FSD2: variants seen among roughly 807,000 people sequenced by gnomAD.
FSD2 encodes fibronectin type III and SPRY domain-containing protein 2.
Under a neutral mutation model 80.4 loss-of-function variants are expected in FSD2, and 71 were observed. The ratio of observed to expected loss-of-function variants is 0.88; its 90% CI spans 0.73 to 1.08. FSD2 has a LOEUF of 1.08. Among genes scored for constraint, FSD2 ranks in the 50% least tolerant of loss-of-function variants. The pLI is 0.00. For synonymous variants in FSD2, 361 were observed against 329.5 expected (o/e 1.10, Z -1.03); for missense variants, 923 against 913.8 (o/e 1.01, Z -0.13).
intron 7 of FSD2, among the ~76,000 whole-genome samples, chr15:82,770,676 A>G (rs1206662869): frequency 6.6e-6 from 1 of 152,012 alleles, no homozygotes; most frequent in Admixed American, 6.6e-5. Context: ...ATCTCAAAAA[A>G]TAATAATAAT....
At chr15:82,764,410 G>A (rs1264200000) in intron 11 of FSD2, among the ~76,000 whole-genome samples, 1 of 151,076 alleles carries the variant, frequency 6.6e-6, no homozygotes, top group East Asian at 1.9e-4. Flanking sequence ...CCCTTAAGCC[G>A]CTTGCTTGGC....
Position 82,778,766 on chromosome 15 carries a change from C to G in FSD2, c.1111G>C (p.Ala371Pro), listed in dbSNP as rs1253062281. Residue 371 changes from alanine (A) to proline (P), a missense_variant and splice_region_variant, in exon 6 of 13, where the codon GCT becomes CCT. Coordinates refer to ENST00000334574, the MANE Select transcript of FSD2 (RefSeq NM_001007122.4). ...QLMGSINTIP[A>P]PSAPVINPQV... ...GCGAAGTACACACACAGGTGAGCAC[C>G]TGGAATGGTGTTAATGGAGCCCATC... 2 of 1,608,034 alleles carry G rather than the reference C, an allele frequency of 1.2e-6. No homozygotes were observed. The highest frequency in any genetic ancestry group is 1.7e-6 in the Non-Finnish European group (2 of 1,177,118).
intron 5 of FSD2, 48 bp from the exon 6 acceptor site, chr15:82,778,935 T>A: frequency 6.2e-7 from 1 of 1,605,894 alleles, no homozygotes; most frequent in South Asian, 1.1e-5. Context: ...GGCATTCTCC[T>A]TAGGGTATAT....
intron 4 of FSD2, among the ~76,000 whole-genome samples, chr15:82,782,201 C>G (rs1225029192): frequency 6.6e-6 from 1 of 150,778 alleles, no homozygotes; most frequent in African/African-American, 2.4e-5. Flanking sequence ...CAAGACCATC[C>G]TGGCTAACAC....
intron 11 of FSD2, 63 bp from the exon 12 acceptor site, chr15:82,762,341 G>A: frequency 6.6e-7 from 1 of 1,514,858 alleles, no homozygotes; most frequent in Non-Finnish European, 9.0e-7. Context: ...GTGCAGGTCA[G>A]TGATGCCAGT....
intron 1 of FSD2, among the ~76,000 whole-genome samples, chr15:82,795,589 G>A (rs1439953915): frequency 6.6e-6 from 1 of 152,154 alleles, no homozygotes; most frequent in African/African-American, 2.4e-5. Context: ...CAGCACTTTA[G>A]GAGGCTAAGG....
Position 82,786,610 on chromosome 15 carries a change from T to A in FSD2, c.640-4A>T, listed in dbSNP as rs758961623. The stretch of plus-strand genomic sequence containing the variant: ...ACATGTTTTTGTGAATTTCATCCTA[T>A]CCAACAGAGGATCACAAAGAAGGTA... On this transcript the variant is annotated splice_region_variant and splice_polypyrimidine_tract_variant and intron_variant, in intron 2 of 12. Coordinates refer to ENST00000334574, the MANE Select transcript of FSD2 (RefSeq NM_001007122.4). 1.2e-5 allele frequency: 19 copies of A among 1,612,386 alleles called. No individual in the cohort carries two copies. Among genetic ancestry groups the A allele is most frequent in the Non-Finnish European group, 1.4e-5 (17 of 1,178,672 alleles).
chr15:82,765,270 A>G lies in FSD2; in HGVS notation c.1716T>C (p.Thr572=), dbSNP rs1467703203. The change falls in exon 11 of 13, where the codon ACT becomes ACC. Residue 572 remains threonine, a synonymous_variant. Transcript: ENST00000334574. ...CAGAAATGGTCAGCCAGGGATGGCAAGTGTCCTTGTTTAGGCGAAAGTAGC... is the reference window on the plus strand; with the variant it reads ...CAGAAATGGTCAGCCAGGGATGGCAGGTGTCCTTGTTTAGGCGAAAGTAGC... The part of the protein sequence containing the change: ...IGSYFRLNKD[T]CHPWLTISED... The G allele has an allele frequency of 2.5e-6, 4 of 1,613,172 alleles. No homozygotes were observed. The highest frequency in any genetic ancestry group is 2.2e-5 in the East Asian group (1 of 44,850).
chr15:82,794,160 A>G (rs893946102), intron 1 of FSD2, among the ~76,000 whole-genome samples: 1 of 151,970 alleles, frequency 6.6e-6, no homozygotes, highest in Non-Finnish European at 1.5e-5. Flanking sequence ...GCTGTACCCT[A>G]CAAGTTTTCA....
At chr15:82,789,832 G>A (rs913549357) in intron 1 of FSD2, among the ~76,000 whole-genome samples, 3 of 152,152 alleles carry the variant, frequency 2.0e-5, no homozygotes, top group African/African-American at 7.2e-5. Flanking sequence ...TAAGGTGGGA[G>A]GATCACTTGA....
intron 8 of FSD2, 89 bp downstream of exon 8, chr15:82,769,661 A>T (rs1036365105): frequency 2.8e-6 from 4 of 1,439,982 alleles, no homozygotes; most frequent in Non-Finnish European, 3.7e-6. Context: ...CTTCTGAATG[A>T]AATCAAGAGC....
Position 82,789,508 on chromosome 15 carries a change from A to G in FSD2, c.-78-2040T>C, listed in dbSNP as rs1448218117. 3.3e-5 allele frequency among the ~76,000 whole-genome samples: 5 copies of G among 152,016 alleles called. No individual in the cohort carries two copies. In the East Asian group the frequency reaches 9.6e-4, roughly 29 times the overall value. On this transcript the variant is annotated intron_variant, in intron 1 of 12. Transcript: ENST00000334574. ...TGTGGCAGGCACTGCTATCATCCCC[A>G]TTTTGTAGATGAGTCAACTGTGTCT...
chr15:82,762,353 G>T, intron 11 of FSD2, 75 bp from the exon 12 acceptor site: 1 of 1,422,350 alleles, frequency 7.0e-7, no homozygotes, highest in Non-Finnish European at 9.7e-7. Context: ...GATGCCAGTT[G>T]CTGGGATCAG....
Position 82,759,576 on chromosome 15 carries a change from G to A in FSD2, c.2022C>T (p.Asn674=), listed in dbSNP as rs1271473219. The A allele has an allele frequency of 5.7e-6, 9 of 1,592,348 alleles. No homozygotes were observed. The East Asian group carries it at 1.3e-4, about 24-fold the overall frequency. ...SSRHKYEFLH[N]RTTPDIRITV... ...TTATTCTTATATCTGGAGTTGTTCT[G>A]TTGTGCAGAAATTCATACTTATGCC... The change falls in exon 13 of 13, where the codon AAC becomes AAT. Residue 674 remains asparagine (N), a synonymous_variant. Transcript: ENST00000334574.
intron 1 of FSD2, among the ~76,000 whole-genome samples, chr15:82,797,338 G>A (rs763240386): frequency 1.4e-4 from 21 of 152,160 alleles, no homozygotes; most frequent in Non-Finnish European, 2.1e-4. Context: ...GTTTGATTAC[G>A]TAGCTAAGCA....
At chr15:82,781,491 G>A (rs888540632) in intron 4 of FSD2, among the ~76,000 whole-genome samples, 8 of 151,992 alleles carry the variant, frequency 5.3e-5, no homozygotes, top group Admixed American at 1.3e-4. Context: ...CCTCCCCCAC[G>A]CCCTGGACAC....
chr15:82,790,643 T>C (rs541782458), intron 1 of FSD2, among the ~76,000 whole-genome samples: 7 of 151,866 alleles, frequency 4.6e-5, no homozygotes, highest in South Asian at 2.1e-4. Flanking sequence ...TGGCGCGATC[T>C]CGGCTCACTG....
intron 3 of FSD2, among the ~76,000 whole-genome samples, chr15:82,786,084 C>T (rs151213452): frequency 1.3e-5 from 2 of 151,770 alleles, no homozygotes; most frequent in South Asian, 2.1e-4. Context: ...AAAAAGAATT[C>T]GAATAAGGGT....
At chr15:82,782,122 A>G (rs1220031328) in intron 4 of FSD2, among the ~76,000 whole-genome samples, 4 of 127,094 alleles carry the variant, frequency 3.1e-5, no homozygotes, top group African/African-American at 9.1e-5. Flanking sequence ...TTGGCCGGGC[A>G]TGGTGGCTCA....
Sources: gnomAD v4.1 joint callset for allele counts (sites outside exome capture counted in the v4.1 genomes callset) on GRCh38, gnomAD v4.1.1 for gene constraint, MANE v1.5 for transcripts, NCBI Gene and HGNC (gene_info 2026-07-23, HGNC 2026-07-21) for gene names.